The following PLEKHA7 variants were observed in gnomAD, a reference collection of about 807,000 sequenced individuals.
The protein encoded by PLEKHA7 is pleckstrin homology domain-containing family A member 7.
A neutral mutation model predicts 170.0 loss-of-function variants in PLEKHA7; 104 were observed. The ratio of observed to expected loss-of-function variants is 0.61; its 90% CI spans 0.52 to 0.72. The LOEUF (loss-of-function observed/expected upper bound fraction) is 0.72. Ranked by LOEUF, PLEKHA7 falls within the 30% of genes least tolerant of loss-of-function variation. The probability of loss-of-function intolerance (pLI) is 0.00; values close to 1 mark genes in which losing one functional copy is unlikely to be tolerated. For synonymous variants in PLEKHA7, 648 were observed against 660.8 expected (o/e 0.98, Z 0.30); for missense variants, 1,615 against 1,671.7 (o/e 0.97, Z 0.59).
chr11:16,794,719 G>C lies in PLEKHA7; in HGVS notation c.2519-5C>G. On this transcript the variant is annotated splice_polypyrimidine_tract_variant and splice_region_variant and intron_variant, in intron 18 of 26. Transcript: ENST00000531066. ...ACAAAGGCACCGTTTTTCTCTCTAA[G>C]GGGCATAGAAGGAAACAAAGCACGG... The C allele has an allele frequency of 6.2e-7, 1 of 1,613,424 alleles. No homozygotes were observed. Among genetic ancestry groups the C allele is most frequent in the Non-Finnish European group, 8.5e-7 (1 of 1,179,518 alleles).
chr11:16,981,809 T>C (rs928889171), intron 3 of PLEKHA7, among the ~76,000 whole-genome samples: 6 of 152,166 alleles, frequency 3.9e-5, no homozygotes, highest in East Asian at 1.9e-4. Flanking sequence ...AGAGCCACCA[T>C]TGTCTCCGTC....
chr11:16,928,175 G>C (rs1859694000), intron 3 of PLEKHA7, among the ~76,000 whole-genome samples: 1 of 152,124 alleles, frequency 6.6e-6, no homozygotes, highest in Non-Finnish European at 1.5e-5. Flanking sequence ...GAATGTGACG[G>C]TTCACGCCTG....
At position 16,841,461 on chromosome 11, in the gene PLEKHA7, G is replaced by T. The variant is rs571700377; in HGVS notation, c.872+86C>A. On this transcript the variant is annotated intron_variant, in intron 9 of 26. Coordinates refer to ENST00000531066, the MANE Select transcript of PLEKHA7 (RefSeq NM_001329630.2). ...CAATGCTTAATACAAGTGAGTAAAT[G>T]GAATCTCAGGCACCCAAGAGGACCT... is the stretch of plus-strand genomic sequence containing the variant. 422 of 1,417,632 alleles carry T rather than the reference G, an allele frequency of 3.0e-4. 1 individual carries two copies. The highest frequency in any genetic ancestry group is 2.6e-3 in the African/African-American group (182 of 69,726). The allele number at this position is 1,417,632 out of a possible 1,614,324, so 87.8% of individuals were successfully genotyped here. A position where few individuals can be genotyped will look rare whatever the true frequency, so the allele number is the denominator to read the frequency against.
intron 9 of PLEKHA7, among the ~76,000 whole-genome samples, chr11:16,835,394 C>T (rs34711318): frequency 0.13 from 20,172 of 152,118 alleles, 1,655 homozygotes; most frequent in Non-Finnish European, 0.18. Context: ...CTGTAGGGAC[C>T]CTGAACTGTT....
In PLEKHA7 at chr11:16,803,195, T is replaced by C. The variant is rs746187253; in HGVS notation, c.2076+32A>G. On this transcript the variant is annotated intron_variant, in intron 14 of 26. Transcript: ENST00000531066. ...CCCGGGGTCTGGGTCAGGAGGCAGCTGAGGGGTCAGCGTGTCACTCTGCTC... is the reference window on the plus strand; with the variant it reads ...CCCGGGGTCTGGGTCAGGAGGCAGCCGAGGGGTCAGCGTGTCACTCTGCTC... The C allele has an allele frequency of 3.7e-6, 6 of 1,604,196 alleles. No homozygotes were observed. In the Admixed American group the frequency reaches 1.0e-4, roughly 27 times the overall value.
At chr11:16,781,466 C>T (rs1043633364) in intron 26 of PLEKHA7, among the ~76,000 whole-genome samples, 2 of 152,136 alleles carry the variant, frequency 1.3e-5, no homozygotes, top group African/African-American at 2.4e-5. Flanking sequence ...CGCCCCTGCT[C>T]GAACCCTCCC....
At chr11:16,887,333 T>G (rs561474019) in intron 3 of PLEKHA7, among the ~76,000 whole-genome samples, 1 of 147,100 alleles carries the variant, frequency 6.8e-6, no homozygotes, top group Non-Finnish European at 1.5e-5. Context: ...CTCCCCACGG[T>G]CTCCCTCTCC....
At chr11:17,009,510 T>G (rs948417246) in intron 3 of PLEKHA7, among the ~76,000 whole-genome samples, 1 of 152,200 alleles carries the variant, frequency 6.6e-6, no homozygotes, top group Non-Finnish European at 1.5e-5. Context: ...TATATAATTA[T>G]TACTACTATT....
rs1863189774 is a variant in PLEKHA7 at position 16,978,189 on chromosome 11, C to T, written c.221+35800G>A. Among the ~76,000 whole-genome samples the T allele has an allele frequency of 5.3e-5, 8 of 152,324 alleles. No individual in the cohort carries two copies. In the South Asian group the frequency reaches 1.7e-3, roughly 32 times the overall value. ...TAAAAGCCTCTTTATGGGCCAGACA[C>T]AGTTTCTATTTTGTAAGAGAGGGAG... On this transcript the variant is annotated intron_variant, in intron 3 of 26. Transcript: ENST00000531066.
chr11:16,803,540 T>C, intron 13 of PLEKHA7: 1 of 500,488 alleles, frequency 2.0e-6, no homozygotes, highest in East Asian at 3.3e-5. Flanking sequence ...AAAGAAAATG[T>C]AGATGTTCAA....
chr11:16,913,495 G>A (rs1192264913), intron 3 of PLEKHA7, among the ~76,000 whole-genome samples: 1 of 152,212 alleles, frequency 6.6e-6, no homozygotes, highest in African/African-American at 2.4e-5. Context: ...AAGGCTGGCA[G>A]CTGGCGTCGC....
chr11:16,929,930 G>A (rs1209527436), intron 3 of PLEKHA7, among the ~76,000 whole-genome samples: 16 of 152,156 alleles, frequency 1.1e-4, no homozygotes, highest in African/African-American at 3.9e-4. Flanking sequence ...CTCGAACCCG[G>A]GAGGTGGAGG....
chr11:16,829,784 AAAGT>A, intron 9 of PLEKHA7, among the ~76,000 whole-genome samples: 1 of 152,194 alleles, frequency 6.6e-6, no homozygotes, highest in East Asian at 1.9e-4. Context: ...CAAAAAAGAA[AAAGT>A]AATTCTTACC....
At chr11:16,889,294 T>G (rs995439322) in intron 3 of PLEKHA7, among the ~76,000 whole-genome samples, 1 of 150,740 alleles carries the variant, frequency 6.6e-6, no homozygotes, top group Non-Finnish European at 1.5e-5. Context: ...TAATTTTCCA[T>G]TACCTACCCA....
At chr11:16,907,876 G>C (rs1373312474) in intron 3 of PLEKHA7, among the ~76,000 whole-genome samples, 1 of 146,646 alleles carries the variant, frequency 6.8e-6, no homozygotes, top group Admixed American at 6.8e-5. Context: ...TGTCTGTGTA[G>C]AAAGAGGTAG....
chr11:16,797,185 T>C (rs1301533989), intron 17 of PLEKHA7, among the ~76,000 whole-genome samples: 1 of 151,772 alleles, frequency 6.6e-6, no homozygotes, highest in Non-Finnish European at 1.5e-5. Context: ...TGCAGAGGGG[T>C]CTGATGGGGT....
At chr11:16,943,923 G>A (rs769009067) in intron 3 of PLEKHA7, among the ~76,000 whole-genome samples, 3 of 152,154 alleles carry the variant, frequency 2.0e-5, no homozygotes, top group African/African-American at 4.8e-5. Flanking sequence ...AGATTTCCAG[G>A]CCCTGCCCAG....
chr11:17,013,933 G>A, intron 3 of PLEKHA7, 56 bp downstream of exon 3: 1 of 1,433,906 alleles, frequency 7.0e-7, no homozygotes, highest in Non-Finnish European at 9.1e-7. Context: ...GGCGGGAACG[G>A]GGAGGGACCC....
At chr11:16,951,072 G>A (rs982550) in intron 3 of PLEKHA7, among the ~76,000 whole-genome samples, 73,083 of 152,112 alleles carry the variant, frequency 0.48, 18,397 homozygotes, top group East Asian at 0.74. Context: ...TGCTTGCTAC[G>A]TGTCAGACAG....
Sources: gnomAD v4.1 joint callset for allele counts (sites outside exome capture counted in the v4.1 genomes callset) on GRCh38, gnomAD v4.1.1 for gene constraint, MANE v1.5 for transcripts, NCBI Gene and HGNC (gene_info 2026-07-23, HGNC 2026-07-21) for gene names.